Variants in ZNF487 observed in about 807,000 individuals in gnomAD.
ZNF487 encodes zinc finger protein 487, also known as KRAB domain only 1.
Under a neutral mutation model 3.0 loss-of-function variants are expected in ZNF487, and 4 were observed. The ratio of observed to expected loss-of-function variants is 1.35; its 90% CI spans 0.66 to 3.08. ZNF487 has a LOEUF of 3.08. Ranked by LOEUF, ZNF487 falls within the 30% of genes most tolerant of loss-of-function variation. The pLI is 0.01. For synonymous variants in ZNF487, 55 were observed against 34.6 expected (o/e 1.59, Z -2.06); for missense variants, 146 against 98.7 (o/e 1.48, Z -2.03).
intron 1 of ZNF487, among the ~76,000 whole-genome samples, chr10:43,459,505 C>G (rs1840340561): frequency 6.6e-6 from 1 of 152,116 alleles, no homozygotes. Flanking sequence ...GCTGGGATTA[C>G]AGGCGTGAGC....
chr10:43,454,937 CAA>C (rs58217923), intron 1 of ZNF487, among the ~76,000 whole-genome samples: 78 of 85,400 alleles, frequency 9.1e-4, no homozygotes, highest in African/African-American at 1.1e-3. Context: ...GACCTTGTCT[CAA>C]AAAAAAAAAA....
At chr10:43,479,984 C>T (rs9665481) in intron 3 of ZNF487, among the ~76,000 whole-genome samples, 16,358 of 57,736 alleles carry the variant, frequency 0.28, 1,866 homozygotes, top group East Asian at 0.51. Flanking sequence ...TCTTTCTTTC[C>T]TTCTTTCTTT....
At chr10:43,499,792 G>T in the ZNF487 span, among the ~76,000 whole-genome samples, 1 of 151,708 alleles carries the variant, frequency 6.6e-6, no homozygotes, top group Non-Finnish European at 1.5e-5. Context: ...GCAGACAGAT[G>T]ATTAAAAATA....
chr10:43,448,643 C>G (rs1457358190), intron 1 of ZNF487, among the ~76,000 whole-genome samples: 1 of 151,722 alleles, frequency 6.6e-6, no homozygotes, highest in East Asian at 2.0e-4. Flanking sequence ...TGGCGAAACC[C>G]TGTCTCTACC....
In ZNF487 at chr10:43,481,602, T is replaced by C; in HGVS notation, c.304T>C (p.Cys102Arg). 2.9e-6 allele frequency: 2 copies of C among 695,692 alleles called. No homozygotes were observed. The highest frequency in any genetic ancestry group is 2.6e-6 in the Non-Finnish European group (1 of 377,472). The allele number at this position is 695,692 out of a possible 1,614,324, so 43.1% of individuals were successfully genotyped here. A position where few individuals can be genotyped will look rare whatever the true frequency, so the allele number is the denominator to read the frequency against. Residue 102 changes from cysteine to arginine, a missense_variant, in exon 4 of 4, where the codon TGT becomes CGT. Cys to Arg is a radical substitution (Grantham distance 180). Coordinates refer to ENST00000437590, the MANE Select transcript of ZNF487 (RefSeq NM_001355444.3). ...TCTATCAAGAAAAATACGTGGCAAC[T>C]GTGACTCATCTGGAATGAATTTGAA... ...PILSRKIRGN[C>R]DSSGMNLNNI... is the part of the protein sequence containing the mutation.
intron 3 of ZNF487, among the ~76,000 whole-genome samples, chr10:43,477,750 G>C (rs965411540): frequency 3.3e-5 from 5 of 151,570 alleles, no homozygotes; most frequent in South Asian, 2.1e-4. Context: ...TCAGGAGTTC[G>C]AGACCAGCCT....
the ZNF487 span, among the ~76,000 whole-genome samples, chr10:43,495,767 T>C: frequency 6.6e-6 from 1 of 152,164 alleles, no homozygotes; most frequent in Non-Finnish European, 1.5e-5. Flanking sequence ...CCCCAGAACA[T>C]AAGACAGTTC....
chr10:43,437,879 A>C (rs1271930855), intron 1 of ZNF487, among the ~76,000 whole-genome samples: 1 of 151,268 alleles, frequency 6.6e-6, no homozygotes, highest in Non-Finnish European at 1.5e-5. Context: ...AAATAGAAAC[A>C]GGGGTATCAC....
chr10:43,448,677 C>T (rs558397445), intron 1 of ZNF487, among the ~76,000 whole-genome samples: 34 of 151,784 alleles, frequency 2.2e-4, no homozygotes, highest in Non-Finnish European at 3.8e-4. Context: ...ATTAGCTGGG[C>T]GCGGTGGCGC....
At chr10:43,523,647 G>T in the ZNF487 span, 1 of 152,822 alleles carries the variant, frequency 6.5e-6, no homozygotes, top group South Asian at 1.9e-4. Context: ...GCAAATTTTT[G>T]AATACCTTGA....
the ZNF487 span, among the ~76,000 whole-genome samples, chr10:43,506,037 A>G: frequency 6.6e-6 from 1 of 152,186 alleles, no homozygotes; most frequent in Non-Finnish European, 1.5e-5. Flanking sequence ...GATTACCTTT[A>G]CCAGTGTTCT....
At chr10:43,509,192 C>CA in the ZNF487 span, among the ~76,000 whole-genome samples, 327 of 130,348 alleles carry the variant, frequency 2.5e-3, 1 homozygote, top group Middle Eastern at 8.0e-3. Context: ...AGACTCTGTC[C>CA]AAAAAAAAAA....
the ZNF487 span, chr10:43,523,523 C>T: frequency 6.6e-6 from 1 of 152,216 alleles, no homozygotes; most frequent in Non-Finnish European, 1.5e-5. Flanking sequence ...ATTGCTCCTT[C>T]ATATGACATG....
At chr10:43,483,524 GCCCAGCC>G (rs1390547768), downstream of ZNF487, among the ~76,000 whole-genome samples, 1 of 79,544 alleles carries the variant, frequency 1.3e-5, no homozygotes, top group Admixed American at 1.5e-4. Context: ...CAGCCACCAT[GCCCAGCC>G]CTTCTTTTTT....
At chr10:43,498,114 C>CTTTTTTTTT in the ZNF487 span, among the ~76,000 whole-genome samples, 11 of 24,616 alleles carry the variant, frequency 4.5e-4, 1 homozygote, top group South Asian at 2.4e-3. Context: ...TTTTTTTTTT[C>CTTTTTTTTT]TTTTTTTTTT....
At chr10:43,510,927 ATTG>A in the ZNF487 span, among the ~76,000 whole-genome samples, 3 of 152,188 alleles carry the variant, frequency 2.0e-5, no homozygotes, top group African/African-American at 7.2e-5. Flanking sequence ...GTTTAATGGA[ATTG>A]TTGTTGGGTC....
chr10:43,502,857 C>T, the ZNF487 span, among the ~76,000 whole-genome samples: 49 of 152,026 alleles, frequency 3.2e-4, no homozygotes, highest in Admixed American at 7.2e-4. Context: ...ATAGTGAGAC[C>T]CCATCTCTAC....
At chr10:43,499,879 T>G in the ZNF487 span, among the ~76,000 whole-genome samples, 1 of 152,134 alleles carries the variant, frequency 6.6e-6, no homozygotes, top group Non-Finnish European at 1.5e-5. Context: ...CAGTCATCTA[T>G]TTCATTTTAT....
chr10:43,445,376 C>G (rs1451045507), intron 1 of ZNF487, among the ~76,000 whole-genome samples: 1 of 152,108 alleles, frequency 6.6e-6, no homozygotes, highest in Non-Finnish European at 1.5e-5. Flanking sequence ...TGTTTGCATG[C>G]CTGGTATCTT....
Sources: allele counts gnomAD v4.1 joint callset (sites outside exome capture counted in the v4.1 genomes callset), GRCh38; gene constraint gnomAD v4.1.1; transcripts MANE v1.5; gene names NCBI Gene and HGNC (gene_info 2026-07-23, HGNC 2026-07-21).